The following CEP192 variants were observed in gnomAD, a reference collection of about 807,000 sequenced individuals.
CEP192 encodes the protein centrosomal protein 192.
CEP192 carries 151 observed loss-of-function variants against 271.8 expected under a neutral mutation model. That is an observed-to-expected ratio of 0.56 (90% CI 0.49 to 0.64). CEP192 has a LOEUF of 0.64. Ranked by LOEUF, CEP192 falls within the 30% of genes least tolerant of loss-of-function variation. The pLI is 0.00. For missense variants in CEP192, 2,910 were observed against 3,020.5 expected (o/e 0.96, Z 0.86); for synonymous variants, 995 against 1,076.5 (o/e 0.92, Z 1.48).
intron 38 of CEP192, among the ~76,000 whole-genome samples, chr18:13,103,193 G>A (rs2039794879): frequency 6.6e-6 from 1 of 152,102 alleles, no homozygotes; most frequent in African/African-American, 2.4e-5. Flanking sequence ...ACTTACCTGG[G>A]CTTCCTCGTC....
rs1189652069 is a variant in CEP192, at chr18:13,059,284, C to T, written c.4460C>T (p.Thr1487Ile). Reference protein sequence around the residue: ...AEALASTVTLTAIAESPVIEV... With the variant: ...AEALASTVTLIAIAESPVIEV... ...GCTTTGGCCAGCACCGTCACTCTCA[C>T]TGCCATTGCCGAGAGTCCTGTTATT... The change falls in exon 21 of 45, where the codon ACT becomes ATT. Residue 1487 changes from threonine (T) to isoleucine (I), a missense_variant. Physicochemically the swap from Thr to Ile is moderately conservative, Grantham distance 89. Transcript: ENST00000506447. The T allele has an allele frequency of 1.2e-6, 2 of 1,613,952 alleles. No individual in the cohort carries two copies. The highest frequency in any genetic ancestry group is 1.7e-6 in the Non-Finnish European group (2 of 1,179,784).
At chr18:13,009,584 A>G (rs2034207290) in intron 4 of CEP192, among the ~76,000 whole-genome samples, 1 of 152,210 alleles carries the variant, frequency 6.6e-6, no homozygotes, top group Non-Finnish European at 1.5e-5. Context: ...TGTAATCTCA[A>G]CACTTTGGGA....
chr18:13,064,611 C>CA (rs552202874), intron 21 of CEP192, among the ~76,000 whole-genome samples: 6,404 of 64,104 alleles, frequency 0.1, 269 homozygotes, highest in East Asian at 0.25. Flanking sequence ...GACTCCATCT[C>CA]AAAAAAAAAA....
At chr18:13,119,971 T>G (rs576333445) in intron 44 of CEP192, among the ~76,000 whole-genome samples, 1 of 152,258 alleles carries the variant, frequency 6.6e-6, no homozygotes, top group African/African-American at 2.4e-5. Flanking sequence ...GTCAAAACTT[T>G]CCTGCAGTTA....
chr18:13,089,083 G>A (rs1216206771), intron 32 of CEP192, among the ~76,000 whole-genome samples: 1 of 152,106 alleles, frequency 6.6e-6, no homozygotes, highest in Non-Finnish European at 1.5e-5. Flanking sequence ...GATAAACATA[G>A]TTATATGGTA....
chr18:13,006,843 G>A (rs1044916473), intron 3 of CEP192, among the ~76,000 whole-genome samples: 1 of 152,126 alleles, frequency 6.6e-6, no homozygotes, highest in Admixed American at 6.5e-5. Flanking sequence ...AACTGCCATC[G>A]CTTCGTTCTC....
At chr18:13,104,442 T>C (rs977183052) in intron 39 of CEP192, among the ~76,000 whole-genome samples, 2 of 152,246 alleles carry the variant, frequency 1.3e-5, no homozygotes, top group Admixed American at 6.5e-5. Context: ...TGAGCCATAA[T>C]ACTACCAAAA....
chr18:13,122,522 A>G (rs2040715089), intron 44 of CEP192, among the ~76,000 whole-genome samples: 1 of 152,208 alleles, frequency 6.6e-6, no homozygotes, highest in African/African-American at 2.4e-5. Flanking sequence ...CAGAGGTTGC[A>G]GTGAGCTGAG....
chr18:13,103,811 T>C, intron 39 of CEP192: 1 of 603,898 alleles, frequency 1.7e-6, no homozygotes, highest in Non-Finnish European at 3.1e-6. Context: ...TGCCTTAGCC[T>C]CCCATGTGGC....
In CEP192 at chr18:13,096,241, G is replaced by T; in HGVS notation, c.6491G>T (p.Arg2164Ile). The change falls in exon 36 of 45, where the codon AGA (arginine) becomes ATA (isoleucine). Residue 2164 changes from arginine (R) to isoleucine (I), a missense_variant. By Grantham distance (97) the Arg-to-Ile change is moderately conservative. Coordinates refer to ENST00000506447, the MANE Select transcript of CEP192 (RefSeq NM_032142.4). ...GTGAATAACTCTGTGAGGTTACTGA[G>T]ATTTGAGCTGTGCTGGCCAGCGCAT... ...QIVNNSVRLL[R>I]FELCWPAHCL... The T allele has an allele frequency of 6.2e-7, 1 of 1,614,218 alleles. No homozygotes were observed. The highest frequency in any genetic ancestry group is 2.2e-5 in the East Asian group (1 of 44,892).
At chr18:13,058,863 G>A (rs2037257487) in intron 20 of CEP192, 2 of 551,062 alleles carry the variant, frequency 3.6e-6, no homozygotes, top group Non-Finnish European at 6.5e-6. Flanking sequence ...GTGGACTGGG[G>A]AGACAGCCTT....
chr18:13,109,691 GAAA>G (rs1161000864), intron 40 of CEP192, among the ~76,000 whole-genome samples: 1 of 151,022 alleles, frequency 6.6e-6, no homozygotes. Context: ...AAAGAAAGAA[GAAA>G]AAAAAGTTCT....
At chr18:13,023,112 C>T (rs914248999) in intron 9 of CEP192, among the ~76,000 whole-genome samples, 2 of 152,150 alleles carry the variant, frequency 1.3e-5, no homozygotes, top group African/African-American at 4.8e-5. Flanking sequence ...ATCATGTCAT[C>T]TACAAACAAA....
intron 6 of CEP192, 131 bp from the exon 7 acceptor site, chr18:13,017,057 A>C (rs1031713738): frequency 1.6e-6 from 1 of 630,890 alleles, no homozygotes; most frequent in African/African-American, 1.9e-5. Flanking sequence ...TAGTTTTCTC[A>C]TGTCAAACAA....
At chr18:12,998,389 T>TA (rs1443896993) in intron 1 of CEP192, among the ~76,000 whole-genome samples, 2 of 152,226 alleles carry the variant, frequency 1.3e-5, no homozygotes, top group African/African-American at 4.8e-5. Flanking sequence ...ACCTAGCACT[T>TA]AGAGTGGATT....
At chr18:13,054,981 A>G (rs2037004954) in intron 18 of CEP192, among the ~76,000 whole-genome samples, 3 of 152,156 alleles carry the variant, frequency 2.0e-5, no homozygotes, top group Admixed American at 2.0e-4. Context: ...AGAACACATA[A>G]AAGTTAACAT....
chr18:13,067,310 G>A (rs2037762682), intron 21 of CEP192, among the ~76,000 whole-genome samples: 1 of 152,126 alleles, frequency 6.6e-6, no homozygotes, highest in Non-Finnish European at 1.5e-5. Flanking sequence ...GGGGGTTCCT[G>A]TACTGTCAAA....
At chr18:13,033,524 G>C (rs1270470274) in intron 11 of CEP192, among the ~76,000 whole-genome samples, 1 of 152,178 alleles carries the variant, frequency 6.6e-6, no homozygotes, top group Non-Finnish European at 1.5e-5. Flanking sequence ...GCAAAGTTAC[G>C]CATGTACTAT....
chr18:13,112,400 A>G (rs1294295023), intron 40 of CEP192, among the ~76,000 whole-genome samples: 2 of 152,230 alleles, frequency 1.3e-5, no homozygotes, highest in Non-Finnish European at 2.9e-5. Context: ...GATTCTATCT[A>G]TGTGAAATGT....
Sources: gnomAD v4.1 joint callset for allele counts (sites outside exome capture counted in the v4.1 genomes callset) on GRCh38, gnomAD v4.1.1 for gene constraint, MANE v1.5 for transcripts, NCBI Gene and HGNC (gene_info 2026-07-23, HGNC 2026-07-21) for gene names.